ITFG1: variants seen among roughly 807,000 people sequenced by gnomAD.
ITFG1 encodes T-cell immunomodulatory protein.
A neutral mutation model predicts 81.8 loss-of-function variants in ITFG1; 34 were observed. The ratio of observed to expected loss-of-function variants is 0.42; its 90% CI spans 0.32 to 0.55. The LOEUF is 0.55. Ranked by LOEUF, ITFG1 falls within the 20% of genes least tolerant of loss-of-function variation. The probability of loss-of-function intolerance (pLI) is 0.17; values close to 1 mark genes in which losing one functional copy is unlikely to be tolerated. For synonymous variants in ITFG1, 285 were observed against 270.6 expected, an observed-to-expected ratio of 1.05 and a Z score of -0.52; for missense variants, 672 against 755.4, an observed-to-expected ratio of 0.89 and a Z score of 1.29.
intron 14 of ITFG1, among the ~76,000 whole-genome samples, chr16:47,208,979 T>C (rs1388129364): frequency 6.6e-6 from 1 of 152,172 alleles, no homozygotes; most frequent in East Asian, 1.9e-4. Flanking sequence ...ATTCAAATAC[T>C]TTAAATGTTT....
At chr16:47,196,766 G>C (rs1394337758) in intron 14 of ITFG1, 4 of 152,174 alleles carry the variant, frequency 2.6e-5, no homozygotes, top group African/African-American at 7.2e-5. Flanking sequence ...AGAGCAGCCT[G>C]GCCAACTGGT....
chr16:47,181,383 CCCGT>C (rs1165186405), intron 14 of ITFG1, among the ~76,000 whole-genome samples: 1 of 147,470 alleles, frequency 6.8e-6, no homozygotes, highest in Admixed American at 6.7e-5. Context: ...GGCCAGCCAC[CCCGT>C]CCGGCAGGGA....
intron 14 of ITFG1, among the ~76,000 whole-genome samples, chr16:47,216,671 TA>T (rs199823045): frequency 8.6e-5 from 13 of 151,984 alleles, no homozygotes; most frequent in Admixed American, 2.0e-4. Context: ...TTTATTTATT[TA>T]TTTTTTTTTG....
At chr16:47,165,065 T>C (rs1363376030) in intron 14 of ITFG1, among the ~76,000 whole-genome samples, 1 of 152,238 alleles carries the variant, frequency 6.6e-6, no homozygotes, top group East Asian at 1.9e-4. Context: ...GTTGTTCTTT[T>C]TGGGGGCTCT....
chr16:47,232,448 G>A (rs1270628931), intron 13 of ITFG1, among the ~76,000 whole-genome samples: 1 of 152,126 alleles, frequency 6.6e-6, no homozygotes, highest in Non-Finnish European at 1.5e-5. Flanking sequence ...TGAAGAAAGA[G>A]AACTTCTGGT....
chr16:47,361,483 G>A (rs1968108789), intron 8 of ITFG1, among the ~76,000 whole-genome samples: 2 of 152,108 alleles, frequency 1.3e-5, no homozygotes, highest in Admixed American at 6.6e-5. Flanking sequence ...TACGTAGAAA[G>A]AGACTCAAGA....
intron 14 of ITFG1, among the ~76,000 whole-genome samples, chr16:47,209,819 T>G (rs1038379037): frequency 1.3e-5 from 2 of 152,216 alleles, no homozygotes; most frequent in African/African-American, 4.8e-5. Context: ...TATAAACTTC[T>G]GGGATAGGCT....
intron 14 of ITFG1, among the ~76,000 whole-genome samples, chr16:47,164,607 C>T (rs1268691079): frequency 6.6e-6 from 1 of 152,216 alleles, no homozygotes; most frequent in East Asian, 1.9e-4. Context: ...TCTAAGAATT[C>T]CTCTTATATT....
intron 12 of ITFG1, among the ~76,000 whole-genome samples, chr16:47,241,904 A>G (rs1168540081): frequency 6.6e-6 from 1 of 151,166 alleles, no homozygotes; most frequent in Non-Finnish European, 1.5e-5. Context: ...CAGTGAGCTG[A>G]GATCGCGCCA....
intron 14 of ITFG1, among the ~76,000 whole-genome samples, chr16:47,194,914 T>A (rs1965338439): frequency 6.6e-6 from 1 of 151,898 alleles, no homozygotes; most frequent in African/African-American, 2.4e-5. Flanking sequence ...TGAATAATAA[T>A]AAAAAAATCT....
chr16:47,383,041 T>C (rs1177058454), intron 6 of ITFG1, among the ~76,000 whole-genome samples: 1 of 152,250 alleles, frequency 6.6e-6, no homozygotes, highest in Non-Finnish European at 1.5e-5. Flanking sequence ...TCTACCCCTG[T>C]GAGGTCAGGA....
chr16:47,450,931 T>C (rs28620198), intron 5 of ITFG1, among the ~76,000 whole-genome samples: 1 of 152,174 alleles, frequency 6.6e-6, no homozygotes, highest in Admixed American at 6.5e-5. Context: ...TGAAGGACAA[T>C]GTATTCACTG....
chr16:47,161,674 G>A (rs895418398), intron 16 of ITFG1, 76 bp downstream of exon 16: 1 of 944,894 alleles, frequency 1.1e-6, no homozygotes, highest in East Asian at 2.4e-5. Context: ...ATATGAGAGA[G>A]CTTAAAAGAC....
chr16:47,380,665 T>C (rs1968385175), intron 6 of ITFG1, among the ~76,000 whole-genome samples: 1 of 152,040 alleles, frequency 6.6e-6, no homozygotes, highest in African/African-American at 2.4e-5. Context: ...GGAATAAAGA[T>C]TTGGTGGCTT....
chr16:47,429,458 T>C (rs1555516519), intron 5 of ITFG1, among the ~76,000 whole-genome samples: 1 of 152,142 alleles, frequency 6.6e-6, no homozygotes, highest in Non-Finnish European at 1.5e-5. Context: ...TACCTAGGAG[T>C]GGAATTGTTG....
chr16:47,388,507 T>C (rs753258350), intron 6 of ITFG1, among the ~76,000 whole-genome samples: 1 of 152,192 alleles, frequency 6.6e-6, no homozygotes, highest in African/African-American at 2.4e-5. Context: ...AATGGGTGAC[T>C]TCTCATCAGA....
At chr16:47,334,810 ATATTCT>A (rs2151575211) in intron 8 of ITFG1, among the ~76,000 whole-genome samples, 1 of 152,314 alleles carries the variant, frequency 6.6e-6, no homozygotes, top group Non-Finnish European at 1.5e-5. Flanking sequence ...TAATTAGAAA[ATATTCT>A]TATAGTGTTC....
At chr16:47,389,571 TAA>T (rs1476648121) in intron 6 of ITFG1, among the ~76,000 whole-genome samples, 2 of 152,074 alleles carry the variant, frequency 1.3e-5, no homozygotes, top group Admixed American at 6.6e-5. Context: ...TCTCTAAGCT[TAA>T]GAGACATAAA....
At chr16:47,169,688 G>A (rs1469481491) in intron 14 of ITFG1, among the ~76,000 whole-genome samples, 2 of 152,036 alleles carry the variant, frequency 1.3e-5, no homozygotes, top group African/African-American at 2.4e-5. Flanking sequence ...TTTTCTGGCC[G>A]AATTGCTAAG....
Sources: allele counts gnomAD v4.1 joint callset (sites outside exome capture counted in the v4.1 genomes callset), GRCh38; gene constraint gnomAD v4.1.1; transcripts MANE v1.5; gene names NCBI Gene and HGNC (gene_info 2026-07-23, HGNC 2026-07-21).